Variants in ATP13A4 observed in about 807,000 individuals in gnomAD.
ATP13A4 encodes the protein ATPase 13A4, also known as probable cation-transporting ATPase 13A4.
ATP13A4 carries 114 observed loss-of-function variants against 142.5 expected under a neutral mutation model. The observed-to-expected ratio is 0.80, with a 90% CI of 0.69 to 0.93. ATP13A4 has a LOEUF of 0.93. Among genes scored for constraint, ATP13A4 ranks in the 40% least tolerant of loss-of-function variants. The pLI is 0.00. For missense variants in ATP13A4, 1,392 were observed against 1,454.0 expected (o/e 0.96, Z 0.69); for synonymous variants, 488 against 514.8 (o/e 0.95, Z 0.70).
rs1013502862 is a variant in ATP13A4, at chr3:193,438,962, C to T, written c.2562+61G>A. 2.6e-6 allele frequency: 4 copies of T among 1,515,390 alleles called. No homozygotes were observed. The African/African-American group carries it at 5.5e-5, about 21-fold the overall frequency. The allele number at this position is 1,515,390 out of a possible 1,614,324, so 93.9% of individuals were successfully genotyped here. The stretch of plus-strand genomic sequence containing the variant: ...ATGACTACACACACTGGCAGCTACT[C>T]TAAAGGGCTTAAGTGTAATCGAATG... On this transcript the variant is annotated intron_variant, in intron 22 of 29. Coordinates refer to ENST00000342695, the MANE Select transcript of ATP13A4 (RefSeq NM_032279.4).
intron 1 of ATP13A4, among the ~76,000 whole-genome samples, chr3:193,586,090 T>TACAC (rs60074904): frequency 2.0e-5 from 3 of 150,834 alleles, no homozygotes; most frequent in Admixed American, 6.6e-5. Context: ...TATACACACA[T>TACAC]ACACACACAC....
chr3:193,561,629 G>A (rs535716216), intron 2 of ATP13A4, among the ~76,000 whole-genome samples: 1 of 152,242 alleles, frequency 6.6e-6, no homozygotes, highest in East Asian at 1.9e-4. Flanking sequence ...AAAGTAATAA[G>A]ATAGAACTAA....
At position 193,399,782 on chromosome 3, in the gene ATP13A4, C is replaced by A. The variant is rs1714204393; in HGVS notation, c.*2870G>T. 7.4e-6 allele frequency among the ~76,000 whole-genome samples: 1 copy of A among 135,112 alleles called. No homozygotes were observed. 88.6% of individuals were successfully genotyped at this position (135,112 alleles called of 152,430 possible). A position where few individuals can be genotyped will look rare whatever the true frequency, so the allele number is the denominator to read the frequency against. On this transcript the variant is annotated 3_prime_UTR_variant, in exon 30 of 30. Transcript: ENST00000342695. Reference sequence around the variant, plus strand: ...AATGGTGTGAATCCGGGAGGCGGAGCTGGCAGTGAGCCGAGATTGTGCCAC... The same window carrying A: ...AATGGTGTGAATCCGGGAGGCGGAGATGGCAGTGAGCCGAGATTGTGCCAC...
chr3:193,547,067 A>C lies in ATP13A4; in HGVS notation c.60+7673T>G, dbSNP rs554284614. Among the ~76,000 whole-genome samples the C allele has an allele frequency of 5.3e-5, 8 of 152,340 alleles. No individual in the cohort carries two copies. In the East Asian group the frequency reaches 1.5e-3, roughly 29 times the overall value. ...GCTAAGAACCTTAGAGACATCCTTA[A>C]TAACTACTCATCCTGTTACCTCTTC... is the stretch of plus-strand genomic sequence containing the variant. On this transcript the variant is annotated intron_variant, in intron 1 of 29. Coordinates refer to ENST00000342695, the MANE Select transcript of ATP13A4 (RefSeq NM_032279.4).
chr3:193,453,066 G>T (rs1475696035), intron 17 of ATP13A4, among the ~76,000 whole-genome samples: 1 of 152,026 alleles, frequency 6.6e-6, no homozygotes, highest in African/African-American at 2.4e-5. Flanking sequence ...GTCTGTATTT[G>T]TAGATGTTGC....
intron 2 of ATP13A4, among the ~76,000 whole-genome samples, chr3:193,577,259 G>A (rs573934359): frequency 1.6e-4 from 25 of 152,200 alleles, no homozygotes; most frequent in Non-Finnish European, 3.4e-4. Context: ...AGCACTCTGT[G>A]ATCTGTTCTG....
At position 193,502,504 on chromosome 3, in the gene ATP13A4, G is replaced by T. The variant is rs1201767680; in HGVS notation, c.370C>A (p.Pro124Thr). Residue 124 changes from proline (P) to threonine (T), a missense_variant, in exon 3 of 30, where the codon CCA becomes ACA. Physicochemically the swap from Pro to Thr is conservative, Grantham distance 38. Coordinates refer to ENST00000342695, the MANE Select transcript of ATP13A4 (RefSeq NM_032279.4). Reference sequence around the variant, plus strand: ...ATAAGTTTACTTACCTTTAGGTCTGGCTTTCTTATGGCTCTATTTATGATA... The same window carrying T: ...ATAAGTTTACTTACCTTTAGGTCTGTCTTTCTTATGGCTCTATTTATGATA... ...EYIINRAIRK[P>T]DLKVRCIKVQ... is the part of the protein sequence containing the mutation. The T allele has an allele frequency of 3.7e-6, 6 of 1,613,862 alleles. No homozygotes were observed. Among genetic ancestry groups the T allele is most frequent in the Non-Finnish European group, 4.2e-6 (5 of 1,179,944 alleles).
chr3:193,591,453 T>C (rs1724775867), intron 1 of ATP13A4, among the ~76,000 whole-genome samples: 1 of 152,232 alleles, frequency 6.6e-6, no homozygotes, highest in South Asian at 2.1e-4. Context: ...TTTGCCCTTT[T>C]TTCATGGCAA....
chr3:193,417,264 C>T (rs75079271), intron 25 of ATP13A4, among the ~76,000 whole-genome samples: 8,870 of 152,134 alleles, frequency 0.058, 476 homozygotes, highest in East Asian at 0.18. Context: ...GATAGCTACT[C>T]AAACACTTAC....
rs1714957940 is a variant in ATP13A4 at position 193,414,652 on chromosome 3, G to T, written c.2941C>A (p.Leu981Ile). The T allele has an allele frequency of 6.2e-7, 1 of 1,614,034 alleles. No individual in the cohort carries two copies. The highest frequency in any genetic ancestry group is 1.7e-5 in the Admixed American group (1 of 59,972). The stretch of plus-strand genomic sequence containing the variant: ...CCTGCAATATGCATGGCCAGGCTGA[G>T]AAGAATGTTGAAAATCACAGAGAGT... ...LLLSVIFNILLSLAMHIAGFI... is the reference protein window; with the variant it reads ...LLLSVIFNILISLAMHIAGFI... Residue 981 changes from leucine to isoleucine, a missense_variant, in exon 26 of 30, where the codon CTC (leucine) becomes ATC (isoleucine). Physicochemically the swap from Leu to Ile is conservative, Grantham distance 5. Transcript: ENST00000342695.
chr3:193,490,249 G>C (rs931798019), intron 6 of ATP13A4, among the ~76,000 whole-genome samples: 5 of 152,202 alleles, frequency 3.3e-5, no homozygotes, highest in Non-Finnish European at 7.3e-5. Context: ...TTACAAAGTA[G>C]TGTCTCATGT....
chr3:193,496,568 A>G (rs1720238155), intron 3 of ATP13A4, among the ~76,000 whole-genome samples: 1 of 152,170 alleles, frequency 6.6e-6, no homozygotes, highest in African/African-American at 2.4e-5. Flanking sequence ...AGACAGATGG[A>G]TCACTTGAGG....
intron 10 of ATP13A4, 37 bp downstream of exon 10, chr3:193,467,279 A>G (rs1355250568): frequency 1.9e-6 from 3 of 1,610,858 alleles, no homozygotes; most frequent in African/African-American, 1.3e-5. Flanking sequence ...GGGCAAAAGT[A>G]TACCATTAAA....
chr3:193,567,266 CAAAG>C (rs1388882843), intron 2 of ATP13A4, among the ~76,000 whole-genome samples: 1 of 151,952 alleles, frequency 6.6e-6, no homozygotes, highest in Non-Finnish European at 1.5e-5. Flanking sequence ...AAAAAGAAAA[CAAAG>C]AGACAGAGAT....
chr3:193,511,394 G>A (rs578210292), intron 2 of ATP13A4, among the ~76,000 whole-genome samples: 14 of 152,328 alleles, frequency 9.2e-5, no homozygotes, highest in African/African-American at 3.4e-4. Context: ...GACTGAGTAT[G>A]GATGAGAGCT....
At chr3:193,436,202 T>C (rs1716258947) in intron 23 of ATP13A4, among the ~76,000 whole-genome samples, 1 of 152,230 alleles carries the variant, frequency 6.6e-6, no homozygotes, top group African/African-American at 2.4e-5. Context: ...GGCAAGCATT[T>C]GATTCAAATT....
Position 193,457,108 on chromosome 3 carries a change from A to G in ATP13A4, c.1807T>C (p.Ser603Pro), listed in dbSNP as rs766017272. The G allele has an allele frequency of 1.7e-5, 27 of 1,613,724 alleles. No homozygotes were observed. The highest frequency in any genetic ancestry group is 2.2e-5 in the Non-Finnish European group (26 of 1,180,044). ...IAILHQFPFS[S>P]ALQRMTVIVQ... The stretch of plus-strand genomic sequence containing the variant: ...ATGACTGTCATTCTTTGCAGTGCCG[A>G]TGAGAATGGGAACTGATGCAGGATT... Residue 603 changes from serine to proline, a missense_variant, in exon 16 of 30, where the codon TCG becomes CCG. Physicochemically the swap from Ser to Pro is moderately conservative, Grantham distance 74. Transcript: ENST00000342695.
chr3:193,556,415 T>C (rs1270045335), upstream of ATP13A4, among the ~76,000 whole-genome samples: 2 of 151,950 alleles, frequency 1.3e-5, no homozygotes, highest in African/African-American at 2.4e-5. Flanking sequence ...AATAGTGAAG[T>C]ATAGGATAAA....
At chr3:193,508,133 A>C (rs1056666421) in intron 2 of ATP13A4, among the ~76,000 whole-genome samples, 31 of 152,230 alleles carry the variant, frequency 2.0e-4, no homozygotes, top group African/African-American at 7.2e-4. Flanking sequence ...AGCCTTCTTC[A>C]AGCCAGGAAG....
Sources: allele counts gnomAD v4.1 joint callset (sites outside exome capture counted in the v4.1 genomes callset), GRCh38; gene constraint gnomAD v4.1.1; transcripts MANE v1.5; gene names NCBI Gene and HGNC (gene_info 2026-07-23, HGNC 2026-07-21).